The following ERBB4 variants were observed in gnomAD, a reference collection of about 807,000 sequenced individuals.
The protein encoded by ERBB4 is erb-b2 receptor tyrosine kinase 4.
ERBB4 carries 42 observed loss-of-function variants against 158.0 expected under a neutral mutation model. That is an observed-to-expected ratio of 0.27 (90% CI 0.21 to 0.34). The LOEUF (loss-of-function observed/expected upper bound fraction) is 0.34, where lower values mean the gene tolerates loss of function less well. Among genes scored for constraint, ERBB4 ranks in the 10% least tolerant of loss-of-function variants. The pLI is 1.00. For synonymous variants in ERBB4, 583 were observed against 558.7 expected, an observed-to-expected ratio of 1.04 and a Z score of -0.61; for missense variants, 1,333 against 1,624.1, an observed-to-expected ratio of 0.82 and a Z score of 3.08.
intron 1 of ERBB4, among the ~76,000 whole-genome samples, chr2:212,267,044 G>A (rs2085161304): frequency 6.6e-6 from 1 of 152,052 alleles, no homozygotes; most frequent in African/African-American, 2.4e-5. Context: ...TAAATATGTA[G>A]TGTAGATCAT....
chr2:212,054,716 T>C (rs142990983), intron 2 of ERBB4, among the ~76,000 whole-genome samples: 1 of 152,154 alleles, frequency 6.6e-6, no homozygotes, highest in South Asian at 2.1e-4. Flanking sequence ...AGCCATCAGA[T>C]GCTTTTTCTG....
At chr2:212,019,140 G>T (rs778030986) in intron 2 of ERBB4, among the ~76,000 whole-genome samples, 15 of 152,106 alleles carry the variant, frequency 9.9e-5, no homozygotes, top group African/African-American at 1.7e-4. Flanking sequence ...TACCTAGAGG[G>T]ACAATGTAGA....
At chr2:212,437,711 C>T (rs993343334) in intron 1 of ERBB4, among the ~76,000 whole-genome samples, 2 of 152,070 alleles carry the variant, frequency 1.3e-5, no homozygotes, top group Non-Finnish European at 2.9e-5. Context: ...TCTGTAGTGA[C>T]TTTCTGCCTT....
intron 1 of ERBB4, among the ~76,000 whole-genome samples, chr2:212,184,141 T>C (rs1011185556): frequency 6.6e-6 from 1 of 152,028 alleles, no homozygotes; most frequent in Admixed American, 6.6e-5. Context: ...GAGTAAGAAA[T>C]GGACTGAATC....
At position 211,702,160 on chromosome 2, in the gene ERBB4, C is replaced by T. The variant is rs555960794; in HGVS notation, c.1296G>A (p.Leu432=). The T allele has an allele frequency of 9.1e-5, 147 of 1,613,764 alleles. No individual in the cohort carries two copies. In the East Asian group the frequency reaches 3.2e-3, roughly 35 times the overall value. The change falls in exon 12 of 28, where the codon CTG becomes CTA. Residue 432 remains leucine (L), a synonymous_variant. Coordinates refer to ENST00000342788, the MANE Select transcript of ERBB4 (RefSeq NM_005235.3). ...CCTGTTGCTTGAGGATAAGCAAGGA[C>T]AGGCCACTAAGGAGGGGGAAGTGAG... ...TIGGRVLYSG[L]SLLILKQQGI... is the part of the protein sequence containing the mutation.
chr2:212,524,333 G>A (rs1170390540), intron 1 of ERBB4, among the ~76,000 whole-genome samples: 3 of 151,624 alleles, frequency 2.0e-5, no homozygotes, highest in Admixed American at 2.0e-4. Context: ...TGACCTCCAG[G>A]GATAGTCCCA....
chr2:211,440,687 C>T (rs1337657156), intron 20 of ERBB4, among the ~76,000 whole-genome samples: 2 of 152,124 alleles, frequency 1.3e-5, no homozygotes, highest in African/African-American at 2.4e-5. Context: ...AAACTTCTGC[C>T]ATCATATAGA....
At chr2:212,537,610 G>C (rs371912237) in intron 1 of ERBB4, among the ~76,000 whole-genome samples, 2 of 152,096 alleles carry the variant, frequency 1.3e-5, no homozygotes, top group South Asian at 2.1e-4. Context: ...CCGCAGGCTC[G>C]GCAGCCTGGC....
intron 2 of ERBB4, among the ~76,000 whole-genome samples, chr2:212,096,099 A>G (rs924646012): frequency 2.0e-5 from 3 of 152,116 alleles, no homozygotes; most frequent in Non-Finnish European, 2.9e-5. Context: ...CACTGCAAAC[A>G]ATGTCATAGT....
chr2:212,301,217 T>G (rs2086609378), intron 1 of ERBB4, among the ~76,000 whole-genome samples: 1 of 151,276 alleles, frequency 6.6e-6, no homozygotes, highest in Non-Finnish European at 1.5e-5. Context: ...TCTATAACAG[T>G]TATACTCTAA....
chr2:212,318,860 G>T (rs1348162389), intron 1 of ERBB4, among the ~76,000 whole-genome samples: 1 of 151,626 alleles, frequency 6.6e-6, no homozygotes, highest in Admixed American at 6.6e-5. Flanking sequence ...GAAGGAGACA[G>T]AGAAGGTGAA....
Position 212,278,762 on chromosome 2 carries a change from T to A in ERBB4, c.83-153859A>T, listed in dbSNP as rs548368101. ...ATCTTCACTTTAAAAAAAGCTAAAA[T>A]TAATAAAATGAATATATAGATACTT... On this transcript the variant is annotated intron_variant, in intron 1 of 27. Coordinates refer to ENST00000342788, the MANE Select transcript of ERBB4 (RefSeq NM_005235.3). Among the ~76,000 whole-genome samples, 7 of 151,736 alleles carry A rather than the reference T, an allele frequency of 4.6e-5. No homozygotes were observed. The South Asian group carries it at 8.3e-4, about 18-fold the overall frequency.
chr2:211,991,782 C>T (rs1559265309), intron 2 of ERBB4, among the ~76,000 whole-genome samples: 1 of 152,094 alleles, frequency 6.6e-6, no homozygotes, highest in Non-Finnish European at 1.5e-5. Flanking sequence ...AAATCAGAGA[C>T]ATTGAAGAGA....
At chr2:211,696,443 A>G (rs1575002466) in intron 12 of ERBB4, among the ~76,000 whole-genome samples, 2 of 151,926 alleles carry the variant, frequency 1.3e-5, no homozygotes, top group Non-Finnish European at 2.9e-5. Flanking sequence ...CAGGCCTTCA[A>G]TGAGGTGAAT....
chr2:212,536,991 G>T (rs1421813726), intron 1 of ERBB4, among the ~76,000 whole-genome samples: 1 of 152,150 alleles, frequency 6.6e-6, no homozygotes, highest in Non-Finnish European at 1.5e-5. Context: ...GGAGGTGGCT[G>T]GAGCGCGGGA....
chr2:212,089,519 G>T (rs1456721108), intron 2 of ERBB4, among the ~76,000 whole-genome samples: 1 of 152,162 alleles, frequency 6.6e-6, no homozygotes, highest in Non-Finnish European at 1.5e-5. Context: ...GCATGGTTTA[G>T]CACCATCTCT....
intron 20 of ERBB4, among the ~76,000 whole-genome samples, chr2:211,461,683 G>C (rs1282486264): frequency 1.3e-5 from 2 of 152,058 alleles, no homozygotes; most frequent in African/African-American, 4.8e-5. Context: ...GAAGGAGAGA[G>C]AGATACACAC....
intron 2 of ERBB4, among the ~76,000 whole-genome samples, chr2:211,967,738 C>T (rs1219039492): frequency 2.0e-5 from 3 of 151,936 alleles, no homozygotes; most frequent in African/African-American, 7.2e-5. Flanking sequence ...CCTAAGTTGG[C>T]ATAATCTAGA....
At chr2:211,709,808 C>T (rs1003588286) in intron 9 of ERBB4, among the ~76,000 whole-genome samples, 2 of 152,086 alleles carry the variant, frequency 1.3e-5, no homozygotes, top group South Asian at 2.1e-4. Flanking sequence ...GCCAAAAAGT[C>T]GAGAAGCAAT....
Sources: gnomAD v4.1 joint callset for allele counts (sites outside exome capture counted in the v4.1 genomes callset) on GRCh38, gnomAD v4.1.1 for gene constraint, MANE v1.5 for transcripts, NCBI Gene and HGNC (gene_info 2026-07-23, HGNC 2026-07-21) for gene names.